Variants in OSBPL3 observed in about 807,000 individuals in gnomAD.
The protein encoded by OSBPL3 is oxysterol binding protein like 3.
OSBPL3 carries 65 observed loss-of-function variants against 120.1 expected under a neutral mutation model. The ratio of observed to expected loss-of-function variants is 0.54; its 90% CI spans 0.44 to 0.67. The LOEUF is 0.67. Ranked by LOEUF, OSBPL3 falls within the 30% of genes least tolerant of loss-of-function variation. The pLI, the probability that OSBPL3 is intolerant of heterozygous loss-of-function variation, is 0.00. For missense variants in OSBPL3, 1,004 were observed against 1,082.1 expected, an observed-to-expected ratio of 0.93 and a Z score of 1.01; for synonymous variants, 416 against 402.6, an observed-to-expected ratio of 1.03 and a Z score of -0.40.
At chr7:24,960,803 T>C (rs559886146) in intron 1 of OSBPL3, among the ~76,000 whole-genome samples, 1 of 152,320 alleles carries the variant, frequency 6.6e-6, no homozygotes, top group Admixed American at 6.5e-5. Context: ...TCTTGGTCAA[T>C]GTACAAAACT....
rs771026264 is a variant in OSBPL3 at position 24,966,493 on chromosome 7, G to T, written c.-150+13393C>A. On this transcript the variant is annotated intron_variant, in intron 1 of 22. Coordinates refer to ENST00000313367, the MANE Select transcript of OSBPL3 (RefSeq NM_015550.4). This position sits in a 1 kb window ranked among gnomAD's most constrained non-coding sequence, Gnocchi z 4.8. ...AAGCTGGAATGTTATTTTGCCCCAC[G>T]CGATCAAAGACTAGAAAAACAGGAA... 1.3e-5 allele frequency among the ~76,000 whole-genome samples: 2 copies of T among 152,156 alleles called. No individual in the cohort carries two copies. Among genetic ancestry groups the T allele is most frequent in the Non-Finnish European group, 2.9e-5 (2 of 68,020 alleles).
rs762504241 is a variant in OSBPL3, at chr7:24,913,865, C to G, written c.-149-21244G>C. 2.0e-5 allele frequency among the ~76,000 whole-genome samples: 3 copies of G among 152,108 alleles called. No individual in the cohort carries two copies. Among genetic ancestry groups the G allele is most frequent in the African/African-American group, 7.2e-5 (3 of 41,406 alleles). On this transcript the variant is annotated intron_variant, in intron 1 of 22. Coordinates refer to ENST00000313367, the MANE Select transcript of OSBPL3 (RefSeq NM_015550.4). The surrounding 1 kb of genome is among the most constrained non-coding windows in gnomAD (Gnocchi z 5.3). ...CCGTATCCCATCAAAAACATACACC[C>G]AGAAATGGAAAACAGAGCTAAAGTA...
rs185044992 is a variant in OSBPL3 at position 24,900,788 on chromosome 7, C to T, written c.-149-8167G>A. Among the ~76,000 whole-genome samples, 200 of 152,066 alleles carry T rather than the reference C, an allele frequency of 1.3e-3. No homozygotes were observed. Among genetic ancestry groups the T allele is most frequent in the African/African-American group, 4.6e-3 (190 of 41,450 alleles). On this transcript the variant is annotated intron_variant, in intron 1 of 22. Transcript: ENST00000313367. The surrounding 1 kb of genome is among the most constrained non-coding windows in gnomAD (Gnocchi z 4.5). ...TTCAAGACCAGCCTGGGCAACAAGG[C>T]GAAACCCCCATCTTTACAAAAAATA...
rs1816213994 is a variant in OSBPL3 at position 24,965,020 on chromosome 7, T to C, written c.-150+14866A>G. 6.6e-6 allele frequency among the ~76,000 whole-genome samples: 1 copy of C among 152,226 alleles called. No individual in the cohort carries two copies. Among genetic ancestry groups the C allele is most frequent in the Non-Finnish European group, 1.5e-5 (1 of 68,034 alleles). Reference sequence around the variant, plus strand: ...ATTATTGTGCTTTTCTTATTATTTGTAATTGAGACTACTGGGCCACTAAAG... The same window carrying C: ...ATTATTGTGCTTTTCTTATTATTTGCAATTGAGACTACTGGGCCACTAAAG... On this transcript the variant is annotated intron_variant, in intron 1 of 22. Transcript: ENST00000313367. This position sits in a 1 kb window ranked among gnomAD's most constrained non-coding sequence, Gnocchi z 4.3.
rs945871829 is a variant in OSBPL3, at chr7:24,964,857, T to C, written c.-150+15029A>G. Among the ~76,000 whole-genome samples the C allele has an allele frequency of 6.6e-6, 1 of 152,220 alleles. No homozygotes were observed. Among genetic ancestry groups the C allele is most frequent in the African/African-American group, 2.4e-5 (1 of 41,462 alleles). ...ACTATTCTAAACTTAAAAGTTGTTT[T>C]GTGTTGGGGGCTGTGATTAAAATAA... On this transcript the variant is annotated intron_variant, in intron 1 of 22. Transcript: ENST00000313367. This position sits in a 1 kb window ranked among gnomAD's most constrained non-coding sequence, Gnocchi z 4.2.
upstream of OSBPL3, among the ~76,000 whole-genome samples, chr7:24,981,148 A>C (rs769028222): frequency 6.6e-6 from 1 of 152,118 alleles, no homozygotes; most frequent in Admixed American, 6.5e-5. The surrounding 1 kb of genome is among the most constrained non-coding windows in gnomAD (Gnocchi z 7.3). Context: ...AAGAAGAGAA[A>C]ATACATATCT....
chr7:24,901,463 C>G (rs1807025444), intron 1 of OSBPL3, among the ~76,000 whole-genome samples: 1 of 152,220 alleles, frequency 6.6e-6, no homozygotes, highest in Non-Finnish European at 1.5e-5. Context: ...GCAATCTGGT[C>G]ATAAAAGTCA....
At chr7:24,825,177 A>G (rs1462850946) in intron 16 of OSBPL3, among the ~76,000 whole-genome samples, 1 of 152,212 alleles carries the variant, frequency 6.6e-6, no homozygotes, top group South Asian at 2.1e-4. Context: ...CTGGCTCTGG[A>G]AACAGGAGAC....
intron 1 of OSBPL3, among the ~76,000 whole-genome samples, chr7:24,917,780 C>T (rs912618525): frequency 2.6e-5 from 4 of 152,096 alleles, no homozygotes; most frequent in African/African-American, 9.7e-5. Flanking sequence ...GGAAGTCCTG[C>T]TCTTAAACAT....
rs543604926 is a variant in OSBPL3 at position 24,898,441 on chromosome 7, A to AT, written c.-149-5821dup. Among the ~76,000 whole-genome samples, 171 of 150,292 alleles carry AT rather than the reference A, an allele frequency of 1.1e-3. No individual in the cohort carries two copies. The highest frequency in any genetic ancestry group is 1.9e-3 in the East Asian group (10 of 5,146). On this transcript the variant is annotated intron_variant, in intron 1 of 22. Coordinates refer to ENST00000313367, the MANE Select transcript of OSBPL3 (RefSeq NM_015550.4). This position sits in a 1 kb window ranked among gnomAD's most constrained non-coding sequence, Gnocchi z 4.3. ...AAGTCTAACAATTCCTCCACAAACC[A>AT]TTTTTTTTTTAAATCTTATTCTCAC...
rs542398736 is a variant in OSBPL3, at chr7:24,815,278, TATAAA to T, written c.2028-80_2028-76del. The T allele has an allele frequency of 5.1e-5, 62 of 1,216,452 alleles. No individual in the cohort carries two copies. The highest frequency in any genetic ancestry group is 7.3e-5 in the Non-Finnish European group (61 of 837,064). 75.4% of individuals were successfully genotyped at this position (1,216,452 alleles called of 1,614,324 possible). A position where few individuals can be genotyped will look rare whatever the true frequency, so the allele number is the denominator to read the frequency against. ...CAAATGCAAACAAACTCTGCTCTTT[TATAAA>T]ATAAGTCATGCAATGCATTATTCAT... On this transcript the variant is annotated intron_variant, in intron 18 of 22. Transcript: ENST00000313367. This position sits in a 1 kb window ranked among gnomAD's most constrained non-coding sequence, Gnocchi z 5.1.
chr7:24,971,299 G>A (rs1263429778), intron 1 of OSBPL3, among the ~76,000 whole-genome samples: 1 of 152,230 alleles, frequency 6.6e-6, no homozygotes, highest in Non-Finnish European at 1.5e-5. Context: ...GATAACCAGG[G>A]TTCTTTGGGT....
At position 24,842,306 on chromosome 7, in the gene OSBPL3, C is replaced by A; in HGVS notation, c.1374G>T (p.Leu458=). ...CGTTTTCTGAAGAGCTTGGAGATAA[C>A]AGAACTTCCTGAGCATCAAAAAACT... ...LSEFFDAQEV[L]LSPSSSENEI... Residue 458 remains leucine (L), a synonymous_variant, in exon 13 of 23, where the codon CTG becomes CTT. Transcript: ENST00000313367. 7 of 1,613,614 alleles carry A rather than the reference C, an allele frequency of 4.3e-6. No individual in the cohort carries two copies. The highest frequency in any genetic ancestry group is 1.1e-5 in the South Asian group (1 of 90,974).
intron 1 of OSBPL3, among the ~76,000 whole-genome samples, chr7:24,909,202 T>A (rs1156284431): frequency 1.3e-5 from 2 of 152,212 alleles, no homozygotes; most frequent in African/African-American, 2.4e-5. Context: ...TCCAGCAATA[T>A]CCACTCTCCC....
At chr7:24,853,866 T>A (rs1799484197) in intron 10 of OSBPL3, among the ~76,000 whole-genome samples, 1 of 152,170 alleles carries the variant, frequency 6.6e-6, no homozygotes, top group Non-Finnish European at 1.5e-5. Context: ...TTTCTGTAAG[T>A]TTGTAATTGT....
At chr7:24,825,957 A>G (rs777643762) in intron 16 of OSBPL3, among the ~76,000 whole-genome samples, 1 of 152,238 alleles carries the variant, frequency 6.6e-6, no homozygotes, top group Non-Finnish European at 1.5e-5. Flanking sequence ...CTGGACAACT[A>G]AAGTTTCATG....
intron 1 of OSBPL3, among the ~76,000 whole-genome samples, chr7:24,969,457 C>T (rs1295393465): frequency 6.6e-6 from 1 of 152,056 alleles, no homozygotes; most frequent in African/African-American, 2.4e-5. Flanking sequence ...AAATTGACCC[C>T]GCAAAAATGA....
chr7:24,805,084 A>C lies in OSBPL3; in HGVS notation c.2445-647T>G, dbSNP rs1252448172. On this transcript the variant is annotated intron_variant, in intron 21 of 22. Coordinates refer to ENST00000313367, the MANE Select transcript of OSBPL3 (RefSeq NM_015550.4). The surrounding 1 kb of genome is among the most constrained non-coding windows in gnomAD (Gnocchi z 4.0). Reference sequence around the variant, plus strand: ...CCATCATTTTACATGAGTAAGTAGGAAAAATCTGTAGGAGAAATTTCTAGA... The same window carrying C: ...CCATCATTTTACATGAGTAAGTAGGCAAAATCTGTAGGAGAAATTTCTAGA... Among the ~76,000 whole-genome samples, 1 of 152,198 alleles carries C rather than the reference A, an allele frequency of 6.6e-6. No individual in the cohort carries two copies. Among genetic ancestry groups the C allele is most frequent in the Non-Finnish European group, 1.5e-5 (1 of 68,016 alleles).
intron 1 of OSBPL3, among the ~76,000 whole-genome samples, chr7:24,905,394 T>C (rs983516151): frequency 1.3e-5 from 2 of 152,152 alleles, no homozygotes; most frequent in Non-Finnish European, 2.9e-5. Context: ...TCAGTCTTCA[T>C]GGGACCTGAC....
Sources: allele counts gnomAD v4.1 joint callset (sites outside exome capture counted in the v4.1 genomes callset), GRCh38; gene constraint gnomAD v4.1.1; non-coding constraint Gnocchi (gnomAD v3.1); transcripts MANE v1.5; gene names NCBI Gene and HGNC (gene_info 2026-07-23, HGNC 2026-07-21).